The following NBAS variants were observed in gnomAD, a reference collection of about 807,000 sequenced individuals.
NBAS encodes the protein NAG/BC035112 fusion.
In NBAS, 219 loss-of-function variants were observed where a neutral mutation model predicts 302.5. The observed-to-expected ratio is 0.72, with a 90% CI of 0.65 to 0.81. The LOEUF (loss-of-function observed/expected upper bound fraction) is 0.81. NBAS is among the 30% of genes least tolerant of loss of function. The pLI is 0.00. For synonymous variants in NBAS, 1,118 were observed against 1,021.6 expected, an observed-to-expected ratio of 1.09 and a Z score of -1.80; for missense variants, 2,932 against 2,841.6, an observed-to-expected ratio of 1.03 and a Z score of -0.72.
intron 38 of NBAS, among the ~76,000 whole-genome samples, chr2:15,327,278 A>G (rs1342252867): frequency 1.3e-5 from 2 of 152,130 alleles, no homozygotes; most frequent in Non-Finnish European, 2.9e-5. Context: ...ACCTAAAAAG[A>G]AGGAGGCTAA....
chr2:15,357,824 A>G (rs1295554115), intron 32 of NBAS, among the ~76,000 whole-genome samples: 3 of 151,996 alleles, frequency 2.0e-5, no homozygotes, highest in Non-Finnish European at 4.4e-5. Flanking sequence ...CCCTTCAAGC[A>G]TTTTTTCTTT....
chr2:15,374,300 C>T (rs1674628262), intron 31 of NBAS, among the ~76,000 whole-genome samples: 1 of 152,116 alleles, frequency 6.6e-6, no homozygotes, highest in South Asian at 2.1e-4. Flanking sequence ...CTGATATATT[C>T]TCATCCATAA....
chr2:15,016,349 G>A, the NBAS span, among the ~76,000 whole-genome samples: 1 of 152,082 alleles, frequency 6.6e-6, no homozygotes, highest in African/African-American at 2.4e-5. Flanking sequence ...CAACACGTGG[G>A]AATTATGGGA....
At chr2:14,974,560 T>C in the NBAS span, among the ~76,000 whole-genome samples, 1 of 152,214 alleles carries the variant, frequency 6.6e-6, no homozygotes, top group African/African-American at 2.4e-5. Context: ...GCAGTCCCTG[T>C]TTCTTATAAA....
chr2:15,520,701 T>A (rs1662624752), intron 9 of NBAS, among the ~76,000 whole-genome samples: 1 of 152,224 alleles, frequency 6.6e-6, no homozygotes, highest in Non-Finnish European at 1.5e-5. Context: ...TTGAATTTCA[T>A]ATGATTTTCA....
chr2:14,901,357 T>C, the NBAS span, among the ~76,000 whole-genome samples: 1 of 152,056 alleles, frequency 6.6e-6, no homozygotes, highest in Non-Finnish European at 1.5e-5. Context: ...TAAAGGAGTT[T>C]AGTAATAAAA....
At position 15,427,718 on chromosome 2, in the gene NBAS, C is replaced by A. The variant is rs768797335; in HGVS notation, c.2416G>T (p.Ala806Ser). 1.2e-6 allele frequency: 2 copies of A among 1,611,620 alleles called. No individual in the cohort carries two copies. The highest frequency in any genetic ancestry group is 4.5e-5 in the East Asian group (2 of 44,854). The change falls in exon 22 of 52, where the codon GCT (alanine) becomes TCT (serine). Residue 806 changes from alanine (A) to serine (S), a missense_variant. Physicochemically the swap from Ala to Ser is moderately conservative, Grantham distance 99 (BLOSUM62 1). Transcript: ENST00000281513. ...CTGCAGGCTCATACTGACCTGCAAG[C>A]CAACTCCTCGCACCAATCTTTAGCT... is the stretch of plus-strand genomic sequence containing the variant. ...HRAKDWCEELACRMVVEPNLQ... is the reference protein window; with the variant it reads ...HRAKDWCEELSCRMVVEPNLQ...
intron 9 of NBAS, among the ~76,000 whole-genome samples, chr2:15,520,736 G>T (rs1403885449): frequency 3.3e-5 from 5 of 151,928 alleles, no homozygotes; most frequent in Admixed American, 2.0e-4. Flanking sequence ...TTCTTTTGAG[G>T]TTTTTTTCAA....
the NBAS span, among the ~76,000 whole-genome samples, chr2:14,952,234 T>C: frequency 3.4e-4 from 52 of 152,294 alleles, no homozygotes; most frequent in African/African-American, 1.2e-3. Flanking sequence ...TAAATGGCAC[T>C]CTCACGCCCA....
chr2:15,005,007 A>T, the NBAS span, among the ~76,000 whole-genome samples: 2 of 152,198 alleles, frequency 1.3e-5, no homozygotes, highest in Non-Finnish European at 2.9e-5. Context: ...ACTGACAACA[A>T]TTAAACATTG....
the NBAS span, among the ~76,000 whole-genome samples, chr2:15,086,555 C>T: frequency 6.6e-6 from 1 of 152,188 alleles, no homozygotes; most frequent in African/African-American, 2.4e-5. Flanking sequence ...GGAGCCCAGA[C>T]CTGTGAGCTT....
At chr2:15,540,081 TAGATTTGTTTG>T (rs1424651875) in intron 6 of NBAS, among the ~76,000 whole-genome samples, 3 of 152,224 alleles carry the variant, frequency 2.0e-5, no homozygotes, top group Non-Finnish European at 4.4e-5. Flanking sequence ...AACTCTATGT[TAGATTTGTTTG>T]AGATTTTTTA....
At chr2:15,247,276 A>G (rs1158485766) in intron 44 of NBAS, among the ~76,000 whole-genome samples, 4 of 152,250 alleles carry the variant, frequency 2.6e-5, no homozygotes, top group South Asian at 2.1e-4. Flanking sequence ...CAGCCACTGC[A>G]GAAACACACC....
the NBAS span, among the ~76,000 whole-genome samples, chr2:15,066,690 CA>C: frequency 6.6e-6 from 1 of 152,038 alleles, no homozygotes; most frequent in African/African-American, 2.4e-5. Flanking sequence ...TATCAAAAAA[CA>C]AAAGGTAAGT....
At chr2:15,444,193 C>G (rs1678599469) in intron 21 of NBAS, among the ~76,000 whole-genome samples, 1 of 151,922 alleles carries the variant, frequency 6.6e-6, no homozygotes, top group African/African-American at 2.4e-5. Context: ...CCTGCAACAC[C>G]AAGTCAATCT....
the NBAS span, among the ~76,000 whole-genome samples, chr2:15,034,647 C>G: frequency 1.3e-5 from 2 of 152,188 alleles, no homozygotes; most frequent in African/African-American, 4.8e-5. Context: ...TCTCAATAAT[C>G]AGAGTATGAA....
the NBAS span, among the ~76,000 whole-genome samples, chr2:15,034,018 GAAGAAGAA>G: frequency 0.11 from 7,073 of 66,604 alleles, 615 homozygotes; most frequent in African/African-American, 0.25. Flanking sequence ...AGAAGAAGAA[GAAGAAGAA>G]GAGGAGGAGG....
At chr2:15,005,294 C>T in the NBAS span, among the ~76,000 whole-genome samples, 1 of 152,140 alleles carries the variant, frequency 6.6e-6, no homozygotes, top group Non-Finnish European at 1.5e-5. Flanking sequence ...TTACTCGCTC[C>T]CCAACATCCC....
the NBAS span, among the ~76,000 whole-genome samples, chr2:15,121,581 T>C: frequency 6.6e-6 from 1 of 152,198 alleles, no homozygotes; most frequent in Non-Finnish European, 1.5e-5. Flanking sequence ...ATCTTTATTT[T>C]CATTCATCAC....
Sources: gnomAD v4.1 joint callset for allele counts (sites outside exome capture counted in the v4.1 genomes callset) on GRCh38, gnomAD v4.1.1 for gene constraint, MANE v1.5 for transcripts, NCBI Gene and HGNC (gene_info 2026-07-23, HGNC 2026-07-21) for gene names.